SOCS6: variants seen among roughly 807,000 people sequenced by gnomAD.
The protein encoded by SOCS6 is STAT induced STAT inhibitor-4.
SOCS6 carries 5 observed loss-of-function variants against 27.7 expected under a neutral mutation model. The observed-to-expected ratio is 0.18, with a 90% CI of 0.09 to 0.38. The LOEUF (loss-of-function observed/expected upper bound fraction) is 0.38. Among genes scored for constraint, SOCS6 ranks in the 10% least tolerant of loss-of-function variants. The probability of loss-of-function intolerance (pLI) is 1.00; values close to 1 mark genes in which losing one functional copy is unlikely to be tolerated. For synonymous variants in SOCS6, 271 were observed against 260.0 expected (o/e 1.04, Z -0.41); for missense variants, 595 against 688.1 (o/e 0.86, Z 1.51).
At chr18:70,305,495 T>A (rs2062365464) in intron 1 of SOCS6, among the ~76,000 whole-genome samples, 1 of 152,226 alleles carries the variant, frequency 6.6e-6, no homozygotes. Flanking sequence ...ATTCCTATAG[T>A]TTTATAAGCA....
Position 70,325,908 on chromosome 18 carries a change from G to A in SOCS6, c.1240G>A (p.Asp414Asn), listed in dbSNP as rs201635997. 1.2e-6 allele frequency: 2 copies of A among 1,614,212 alleles called. No homozygotes were observed. The highest frequency in any genetic ancestry group is 1.1e-5 in the South Asian group (1 of 91,068). ...TTTTCTTGTTCGGGACAGTTCTGAC[G>A]ACCGTTACCTTTTAAGCTTGAGCTT... Reference protein sequence around the residue: ...GSFLVRDSSDDRYLLSLSFRS... With the variant: ...GSFLVRDSSDNRYLLSLSFRS... The change falls in exon 2 of 2, where the codon GAC (aspartate) becomes AAC (asparagine). Residue 414 changes from aspartate (D) to asparagine (N), a missense_variant. This residue lies in a region of SOCS6 where 128 missense variants were observed against 207.0 expected (regional missense o/e 0.62). Transcript: ENST00000397942. This position sits in a 1 kb window ranked among gnomAD's most constrained non-coding sequence, Gnocchi z 6.3.
chr18:70,305,179 AC>A, intron 1 of SOCS6, among the ~76,000 whole-genome samples: 3 of 152,236 alleles, frequency 2.0e-5, no homozygotes, highest in Admixed American at 2.0e-4. Flanking sequence ...CTGCACTCCA[AC>A]CTGAGCAACA....
At chr18:70,297,211 T>A (rs2062328257) in intron 1 of SOCS6, among the ~76,000 whole-genome samples, 1 of 152,188 alleles carries the variant, frequency 6.6e-6, no homozygotes, top group South Asian at 2.1e-4. Flanking sequence ...TCCAGCAGTC[T>A]TAGATTTTGG....
chr18:70,328,276 A>G lies in SOCS6; in HGVS notation c.*2000A>G, dbSNP rs1025424089. ...AAAAGTCCCTGTGCATCTATATTAG[A>G]TGGCAGGTTTTGTCACAGAGTCACT... On this transcript the variant is annotated 3_prime_UTR_variant, in exon 2 of 2. Transcript: ENST00000397942. 6.0e-6 allele frequency: 1 copy of G among 167,056 alleles called. No homozygotes were observed. The highest frequency in any genetic ancestry group is 2.4e-5 in the African/African-American group (1 of 41,452). The allele number at this position is 167,056 out of a possible 1,614,324, so 10.3% of individuals were successfully genotyped here.
chr18:70,300,841 C>T (rs960958430), intron 1 of SOCS6, among the ~76,000 whole-genome samples: 3 of 152,038 alleles, frequency 2.0e-5, no homozygotes, highest in African/African-American at 7.2e-5. Context: ...TATTTGTCAA[C>T]TTTAAGTTCA....
At position 70,326,523 on chromosome 18, in the gene SOCS6, A is replaced by G. The variant is rs998573546; in HGVS notation, c.*247A>G. The G allele has an allele frequency of 2.1e-5, 10 of 476,264 alleles. No homozygotes were observed. The highest frequency in any genetic ancestry group is 3.8e-5 in the Non-Finnish European group (10 of 260,866). The allele number at this position is 476,264 out of a possible 1,614,324, so 29.5% of individuals were successfully genotyped here. A position where few individuals can be genotyped will look rare whatever the true frequency, so the allele number is the denominator to read the frequency against. On this transcript the variant is annotated 3_prime_UTR_variant, in exon 2 of 2. Coordinates refer to ENST00000397942, the MANE Select transcript of SOCS6 (RefSeq NM_004232.4). The stretch of plus-strand genomic sequence containing the variant: ...GAATTATGTTTCATCAATGTGCAGA[A>G]TAATCACAATGTGAATTATCAAATT...
chr18:70,289,583 C>T (rs2062289241), intron 1 of SOCS6, among the ~76,000 whole-genome samples: 1 of 146,482 alleles, frequency 6.8e-6, no homozygotes, highest in South Asian at 2.1e-4. Flanking sequence ...CCTCCTCGGA[C>T]CTCCGCGGGC....
intron 1 of SOCS6, among the ~76,000 whole-genome samples, chr18:70,289,339 C>T (rs1324182068): frequency 6.7e-6 from 1 of 148,680 alleles, no homozygotes; most frequent in African/African-American, 2.4e-5. Context: ...CGGGGCCAGT[C>T]CCGGGAGCGG....
chr18:70,317,526 A>G (rs2062417216), intron 1 of SOCS6, among the ~76,000 whole-genome samples: 1 of 412 alleles, frequency 2.4e-3, no homozygotes, highest in Admixed American at 0.042. Flanking sequence ...ATACATATAT[A>G]CGTATATATA....
At chr18:70,322,971 A>G (rs1044403931) in intron 1 of SOCS6, among the ~76,000 whole-genome samples, 2 of 152,162 alleles carry the variant, frequency 1.3e-5, no homozygotes, top group African/African-American at 4.8e-5. Flanking sequence ...CTGTTCATAC[A>G]TCTGTCTCTC....
chr18:70,325,060 A>T lies in SOCS6; in HGVS notation c.392A>T (p.His131Leu). 1 of 1,614,142 alleles carries T rather than the reference A, an allele frequency of 6.2e-7. No individual in the cohort carries two copies. The change falls in exon 2 of 2, where the codon CAC becomes CTC. Residue 131 changes from histidine (H) to leucine (L), a missense_variant. Coordinates refer to ENST00000397942, the MANE Select transcript of SOCS6 (RefSeq NM_004232.4). The surrounding 1 kb of genome is among the most constrained non-coding windows in gnomAD (Gnocchi z 6.3). ...PIRSTSLRSHHYSPAPWPLRP... is the reference protein window; with the variant it reads ...PIRSTSLRSHLYSPAPWPLRP... Reference sequence around the variant, plus strand: ...AGGTCCACGTCGCTCCGCAGCCATCACTACAGTCCCGCGCCGTGGCCTCTG... The same window carrying T: ...AGGTCCACGTCGCTCCGCAGCCATCTCTACAGTCCCGCGCCGTGGCCTCTG...
chr18:70,314,885 ATG>A (rs755917853), intron 1 of SOCS6, among the ~76,000 whole-genome samples: 1 of 141,760 alleles, frequency 7.1e-6, no homozygotes, highest in Non-Finnish European at 1.6e-5. Context: ...ATATATATAT[ATG>A]TCTATTCCTA....
At chr18:70,314,497 C>A (rs1228629129) in intron 1 of SOCS6, among the ~76,000 whole-genome samples, 1 of 152,156 alleles carries the variant, frequency 6.6e-6, no homozygotes, top group Non-Finnish European at 1.5e-5. Context: ...CACTGTGTTA[C>A]ATTGCCTACA....
Position 70,325,046 on chromosome 18 carries a change from G to C in SOCS6, c.378G>C (p.Ser126=), listed in dbSNP as rs748033311. The part of the protein sequence containing the change: ...VRAQRPIRST[S]LRSHHYSPAP... ...CTCAGAGGCCGATAAGGTCCACGTC[G>C]CTCCGCAGCCATCACTACAGTCCCG... Residue 126 remains serine, a synonymous_variant, in exon 2 of 2, where the codon TCG becomes TCC. Coordinates refer to ENST00000397942, the MANE Select transcript of SOCS6 (RefSeq NM_004232.4). The surrounding 1 kb of genome is among the most constrained non-coding windows in gnomAD (Gnocchi z 6.3). The C allele has an allele frequency of 6.2e-6, 10 of 1,613,972 alleles. No individual in the cohort carries two copies. The East Asian group carries it at 1.1e-4, about 18-fold the overall frequency.
At chr18:70,292,037 A>G (rs764737679) in intron 1 of SOCS6, among the ~76,000 whole-genome samples, 2 of 152,198 alleles carry the variant, frequency 1.3e-5, no homozygotes, top group Non-Finnish European at 2.9e-5. Flanking sequence ...AGGGCTGAGG[A>G]CACAGTTTAC....
intron 1 of SOCS6, among the ~76,000 whole-genome samples, chr18:70,289,337 G>A (rs2062287550): frequency 6.7e-6 from 1 of 148,668 alleles, no homozygotes; most frequent in Admixed American, 6.7e-5. Context: ...GCCGGGGCCA[G>A]TCCCGGGAGC....
At chr18:70,305,714 A>C (rs887902479) in intron 1 of SOCS6, among the ~76,000 whole-genome samples, 1 of 152,206 alleles carries the variant, frequency 6.6e-6, no homozygotes, top group African/African-American at 2.4e-5. Flanking sequence ...ATTATTTAGA[A>C]TCTCTATATT....
chr18:70,302,952 GA>G (rs1662282498), intron 1 of SOCS6, among the ~76,000 whole-genome samples: 2 of 152,012 alleles, frequency 1.3e-5, no homozygotes, highest in African/African-American at 4.8e-5. Context: ...TGAAAGCCAA[GA>G]AAAGGCCCTG....
chr18:70,295,192 T>C (rs138964270), intron 1 of SOCS6, among the ~76,000 whole-genome samples: 69 of 152,342 alleles, frequency 4.5e-4, no homozygotes, highest in African/African-American at 1.5e-3. Flanking sequence ...AAATACCTTT[T>C]TGAAGACAGG....
Sources: allele counts gnomAD v4.1 joint callset (sites outside exome capture counted in the v4.1 genomes callset), GRCh38; gene constraint gnomAD v4.1.1; regional missense constraint gnomAD v4.1.1; non-coding constraint Gnocchi (gnomAD v3.1); transcripts MANE v1.5; gene names NCBI Gene and HGNC (gene_info 2026-07-23, HGNC 2026-07-21).